CFAP299: variants seen among roughly 807,000 people sequenced by gnomAD.
CFAP299 encodes cilia and flagella associated protein 299.
In CFAP299, 21 loss-of-function variants were observed where a neutral mutation model predicts 27.0. The ratio of observed to expected loss-of-function variants is 0.78; its 90% CI spans 0.55 to 1.12. CFAP299 has a LOEUF of 1.12. Among genes scored for constraint, CFAP299 ranks in the 50% most tolerant of loss-of-function variants. The probability of loss-of-function intolerance (pLI) is 0.00; values close to 1 mark genes in which losing one functional copy is unlikely to be tolerated. For synonymous variants in CFAP299, 104 were observed against 98.1 expected, an observed-to-expected ratio of 1.06 and a Z score of -0.36; for missense variants, 310 against 276.6, an observed-to-expected ratio of 1.12 and a Z score of -0.86.
At chr4:80,450,067 G>A (rs1728824536) in intron 2 of CFAP299, among the ~76,000 whole-genome samples, 1 of 152,032 alleles carries the variant, frequency 6.6e-6, no homozygotes, top group Admixed American at 6.6e-5. Flanking sequence ...ATCTATATTG[G>A]CACAATGTTT....
intron 4 of CFAP299, among the ~76,000 whole-genome samples, chr4:80,882,504 G>T (rs917116042): frequency 6.6e-6 from 1 of 152,140 alleles, no homozygotes; most frequent in Non-Finnish European, 1.5e-5. Context: ...CGGGCGCGGT[G>T]GCAGGCGCCT....
At chr4:80,435,265 C>A (rs1728010967) in intron 2 of CFAP299, among the ~76,000 whole-genome samples, 1 of 152,002 alleles carries the variant, frequency 6.6e-6, no homozygotes, top group Non-Finnish European at 1.5e-5. Context: ...GCTTTCCCAC[C>A]CAAACAAAAT....
At chr4:80,477,028 C>T (rs144153947) in intron 2 of CFAP299, among the ~76,000 whole-genome samples, 2 of 151,790 alleles carry the variant, frequency 1.3e-5, no homozygotes, top group Admixed American at 6.6e-5. Context: ...TGTCTTTAGA[C>T]TGTATCTTCT....
chr4:80,555,662 AT>A (rs1431874618), intron 2 of CFAP299, among the ~76,000 whole-genome samples: 2 of 151,950 alleles, frequency 1.3e-5, no homozygotes, highest in Non-Finnish European at 2.9e-5. Context: ...TTTATTACTG[AT>A]TCAATGTCAG....
At chr4:80,811,941 T>A (rs115229536) in intron 3 of CFAP299, among the ~76,000 whole-genome samples, 148 of 151,844 alleles carry the variant, frequency 9.7e-4, no homozygotes, top group African/African-American at 3.4e-3. Flanking sequence ...ATGCAATATA[T>A]AAAGAGATAT....
chr4:80,899,434 G>T (rs1734774332), intron 4 of CFAP299, among the ~76,000 whole-genome samples: 2 of 152,126 alleles, frequency 1.3e-5, no homozygotes, highest in Admixed American at 1.3e-4. Flanking sequence ...AAGAGGAAAA[G>T]AACCCAGAAA....
intron 2 of CFAP299, among the ~76,000 whole-genome samples, chr4:80,482,815 C>T (rs764142086): frequency 6.6e-6 from 1 of 152,118 alleles, no homozygotes; most frequent in East Asian, 1.9e-4. Context: ...TCTTGCTGAA[C>T]GCTAGGTCTC....
At position 80,963,147 on chromosome 4, in the gene CFAP299, C is replaced by T. The variant is rs1738428634; in HGVS notation, c.607-370C>T. On this transcript the variant is annotated intron_variant, in intron 5 of 5. Transcript: ENST00000358105. ...GACTTGAGACATTTTATTTGACAAA[C>T]TTGAAATCAAGATAGGATTCTTTTT... Among the ~76,000 whole-genome samples, 6 of 152,072 alleles carry T rather than the reference C, an allele frequency of 3.9e-5. No homozygotes were observed. The South Asian group carries it at 1.2e-3, about 31-fold the overall frequency.
At chr4:80,325,774 T>C in the CFAP299 span, among the ~76,000 whole-genome samples, 1 of 152,212 alleles carries the variant, frequency 6.6e-6, no homozygotes, top group Non-Finnish European at 1.5e-5. Context: ...ACAGCCAAAA[T>C]GTAGAAAATA....
intron 3 of CFAP299, among the ~76,000 whole-genome samples, chr4:80,614,117 T>C (rs564068604): frequency 6.6e-6 from 1 of 152,304 alleles, no homozygotes; most frequent in East Asian, 1.9e-4. Context: ...TTTTCATTTC[T>C]GTATACATAA....
At chr4:80,531,123 T>A (rs1733441355) in intron 2 of CFAP299, among the ~76,000 whole-genome samples, 1 of 152,170 alleles carries the variant, frequency 6.6e-6, no homozygotes, top group African/African-American at 2.4e-5. Context: ...AGTTTTATAA[T>A]CTAGTCCAGA....
chr4:80,752,645 A>T (rs1725002438), intron 3 of CFAP299, among the ~76,000 whole-genome samples: 1 of 151,362 alleles, frequency 6.6e-6, no homozygotes, highest in Admixed American at 6.6e-5. Flanking sequence ...TAATATTGTT[A>T]CTCATTTAAA....
At chr4:80,747,571 GTTTCCTTA>G (rs1724694126) in intron 3 of CFAP299, among the ~76,000 whole-genome samples, 1 of 151,944 alleles carries the variant, frequency 6.6e-6, no homozygotes, top group Non-Finnish European at 1.5e-5. Context: ...AAAGGTCCTG[GTTTCCTTA>G]TTATTATTAT....
At chr4:80,542,734 T>C (rs972359540) in intron 2 of CFAP299, among the ~76,000 whole-genome samples, 2 of 151,872 alleles carry the variant, frequency 1.3e-5, no homozygotes, top group African/African-American at 4.8e-5. Flanking sequence ...CAGTGGCCAT[T>C]GCCATAGTTT....
At chr4:80,466,509 C>CA (rs935350816) in intron 2 of CFAP299, among the ~76,000 whole-genome samples, 1 of 152,120 alleles carries the variant, frequency 6.6e-6, no homozygotes, top group African/African-American at 2.4e-5. Flanking sequence ...AGCCATATTT[C>CA]AAAACATTTA....
At chr4:80,424,523 T>C (rs1471132934) in intron 2 of CFAP299, among the ~76,000 whole-genome samples, 1 of 152,170 alleles carries the variant, frequency 6.6e-6, no homozygotes, top group Non-Finnish European at 1.5e-5. Flanking sequence ...GTAATCAATA[T>C]GAAAGAACTG....
intron 1 of CFAP299, among the ~76,000 whole-genome samples, chr4:80,348,634 C>G (rs1578340358): frequency 1.3e-5 from 2 of 152,182 alleles, no homozygotes; most frequent in East Asian, 3.9e-4. Flanking sequence ...ATCTGCAATT[C>G]AAGAAGAAAG....
intron 4 of CFAP299, among the ~76,000 whole-genome samples, chr4:80,883,732 A>G (rs76004497): frequency 6.6e-6 from 1 of 152,188 alleles, no homozygotes; most frequent in Non-Finnish European, 1.5e-5. Context: ...AAGAGGATAT[A>G]ATTTTTTAAA....
chr4:80,516,615 C>A (rs1732601893), intron 2 of CFAP299, among the ~76,000 whole-genome samples: 1 of 152,206 alleles, frequency 6.6e-6, no homozygotes, highest in South Asian at 2.1e-4. Context: ...GGTGCTAAAC[C>A]ATTCATGAGG....
Sources: allele counts gnomAD v4.1 joint callset (sites outside exome capture counted in the v4.1 genomes callset), GRCh38; gene constraint gnomAD v4.1.1; transcripts MANE v1.5; gene names NCBI Gene and HGNC (gene_info 2026-07-23, HGNC 2026-07-21).